Variants in LONP1 observed in about 807,000 individuals in gnomAD.
LONP1 encodes the protein lon protease homolog, mitochondrial.
LONP1 carries 31 observed loss-of-function variants against 98.5 expected under a neutral mutation model. The ratio of observed to expected loss-of-function variants is 0.31; its 90% confidence interval spans 0.24 to 0.42. The LOEUF is 0.42. Among genes scored for constraint, LONP1 ranks in the 20% least tolerant of loss-of-function variants. The pLI is 1.00. For missense variants in LONP1, 1,336 were observed against 1,350.6 expected, an observed-to-expected ratio of 0.99 and a Z score of 0.17; for synonymous variants, 781 against 594.7, an observed-to-expected ratio of 1.31 and a Z score of -4.56.
At chr19:5,707,378 T>C (rs1345503805) in intron 6 of LONP1, among the ~76,000 whole-genome samples, 1 of 152,124 alleles carries the variant, frequency 6.6e-6, no homozygotes, top group Non-Finnish European at 1.5e-5. Flanking sequence ...TCAGGAGTGC[T>C]GCTCACAACA....
chr19:5,708,544 G>A (rs917763569), intron 4 of LONP1, 141 bp from the exon 5 acceptor site: 110 of 662,970 alleles, frequency 1.7e-4, no homozygotes, highest in Non-Finnish European at 2.7e-4. Flanking sequence ...GCCACGGACG[G>A]CCTGGGAGAT....
At chr19:5,697,584 AAG>A (rs1315772663) in intron 10 of LONP1, among the ~76,000 whole-genome samples, 3 of 104,136 alleles carry the variant, frequency 2.9e-5, no homozygotes, top group African/African-American at 3.9e-5. Context: ...GGGGAGGAAG[AAG>A]AGAGGGAGAG....
chr19:5,701,007 C>A, intron 8 of LONP1, 80 bp from the exon 9 acceptor site: 2 of 1,555,376 alleles, frequency 1.3e-6, no homozygotes, highest in South Asian at 1.1e-5. Context: ...TGGGTGGTTG[C>A]AAGGGGCTTG....
At position 5,699,137 on chromosome 19, in the gene LONP1, A is replaced by G; in HGVS notation, c.1575T>C (p.Pro525=). ...GAGCAATGCTGGTCTTACCCACGCC[A>G]GGGGGGCCATAGAAGCAGAGGATCT... is the stretch of plus-strand genomic sequence containing the variant. The part of the protein sequence containing the change: ...QGKILCFYGP[P]GVGKTSIARS... Residue 525 remains proline, a synonymous_variant, in exon 10 of 18, where the codon CCT becomes CCC. Coordinates refer to ENST00000360614, the MANE Select transcript of LONP1 (RefSeq NM_004793.4). The G allele has an allele frequency of 1.3e-6, 2 of 1,564,766 alleles. No individual in the cohort carries two copies. Among genetic ancestry groups the G allele is most frequent in the Admixed American group, 1.8e-5 (1 of 55,900 alleles).
intron 8 of LONP1, among the ~76,000 whole-genome samples, chr19:5,703,589 C>G (rs1250534651): frequency 6.6e-6 from 1 of 151,762 alleles, no homozygotes; most frequent in Non-Finnish European, 1.5e-5. Flanking sequence ...GGCGGCCCCA[C>G]GAGCAGACAC....
chr19:5,696,452 TGGGGAGACCC>T, intron 11 of LONP1, 81 bp from the exon 12 acceptor site: 1 of 1,549,330 alleles, frequency 6.5e-7, no homozygotes, highest in Non-Finnish European at 8.8e-7. Context: ...GGGTCAGGGC[TGGGGAGACCC>T]CGAGTGAGAG....
intron 1 of LONP1, among the ~76,000 whole-genome samples, chr19:5,716,239 T>C (rs1002825336): frequency 7.7e-6 from 1 of 129,074 alleles, no homozygotes; most frequent in Non-Finnish European, 1.6e-5. Context: ...TTCTTTATTA[T>C]ATAATAAAGT....
intron 4 of LONP1, 128 bp from the exon 5 acceptor site, chr19:5,708,531 C>T: frequency 2.8e-6 from 2 of 721,500 alleles, no homozygotes; most frequent in Non-Finnish European, 4.7e-6. Flanking sequence ...CCAACTGGCC[C>T]TGGCCACGGA....
chr19:5,714,224 G>A lies in LONP1; in HGVS notation c.477C>T (p.Leu159=), dbSNP rs773995374. 37 of 1,613,886 alleles carry A rather than the reference G, an allele frequency of 2.3e-5. No individual in the cohort carries two copies. The Middle Eastern group carries it at 4.9e-4, about 22-fold the overall frequency. ...GAAAGACGCCGACATAAGGCTGGGC[G>A]AGACGAACTTTCCTTCTCAGCAGCT... is the stretch of plus-strand genomic sequence containing the variant. ...LVELLRRKVR[L]AQPYVGVFLK... is the part of the protein sequence containing the mutation. Residue 159 remains leucine (L), a synonymous_variant, in exon 2 of 18, where the codon CTC becomes CTT. Coordinates refer to ENST00000360614, the MANE Select transcript of LONP1 (RefSeq NM_004793.4).
At chr19:5,707,605 G>T in intron 6 of LONP1, 92 bp downstream of exon 6, 1 of 1,412,632 alleles carries the variant, frequency 7.1e-7, no homozygotes, top group Non-Finnish European at 9.8e-7. Context: ...TGGGGGAGCT[G>T]AGGAGGAACG....
rs1167504815 is a variant in LONP1, at chr19:5,705,053, T to G, written c.1367+719A>C. 3.3e-5 allele frequency among the ~76,000 whole-genome samples: 5 copies of G among 151,900 alleles called. No individual in the cohort carries two copies. In the East Asian group the frequency reaches 9.7e-4, roughly 29 times the overall value. Reference sequence around the variant, plus strand: ...GGCACATGCCTGTAATCCCAGCTACTCAGGAAGTTGAGGCAGTAGAATCGT... The same window carrying G: ...GGCACATGCCTGTAATCCCAGCTACGCAGGAAGTTGAGGCAGTAGAATCGT... On this transcript the variant is annotated intron_variant, in intron 8 of 17. Coordinates refer to ENST00000360614, the MANE Select transcript of LONP1 (RefSeq NM_004793.4).
chr19:5,708,703 T>A (rs2055188400), intron 4 of LONP1: 2 of 337,456 alleles, frequency 5.9e-6, no homozygotes, highest in African/African-American at 2.1e-5. Flanking sequence ...TGTGTTTTCT[T>A]TCCTCCATTT....
chr19:5,702,644 T>G (rs1055120336), intron 8 of LONP1, among the ~76,000 whole-genome samples: 2 of 152,222 alleles, frequency 1.3e-5, no homozygotes, highest in African/African-American at 2.4e-5. Context: ...GAAGTAGACA[T>G]GAGAGACTTT....
chr19:5,703,581 C>T (rs117630707), intron 8 of LONP1, among the ~76,000 whole-genome samples: 2,525 of 151,776 alleles, frequency 0.017, 46 homozygotes, highest in East Asian at 0.036. Flanking sequence ...AAGGGCCAGG[C>T]GGCCCCACGA....
chr19:5,712,012 G>A lies in LONP1; in HGVS notation c.639-10C>T, dbSNP rs777655178. 1.6e-5 allele frequency: 25 copies of A among 1,606,876 alleles called. No individual in the cohort carries two copies. In the East Asian group the frequency reaches 1.6e-4, roughly 10 times the overall value. On this transcript the variant is annotated splice_polypyrimidine_tract_variant and intron_variant, in intron 3 of 17. Coordinates refer to ENST00000360614, the MANE Select transcript of LONP1 (RefSeq NM_004793.4). Reference sequence around the variant, plus strand: ...TCTGCTGATATGGACTCTGACACGGGAGCAAGGCAGGTGTGAATCAGCCGC... The same window carrying A: ...TCTGCTGATATGGACTCTGACACGGAAGCAAGGCAGGTGTGAATCAGCCGC...
intron 4 of LONP1, 56 bp downstream of exon 4, chr19:5,711,715 C>A: frequency 6.8e-7 from 1 of 1,474,096 alleles, no homozygotes; most frequent in South Asian, 1.2e-5. Flanking sequence ...AGGAACGGCT[C>A]AAGGGAGCCC....
chr19:5,706,788 T>A (rs1421077246), intron 7 of LONP1, among the ~76,000 whole-genome samples: 2 of 152,176 alleles, frequency 1.3e-5, no homozygotes, highest in Non-Finnish European at 2.9e-5. Flanking sequence ...GGCAAAGGAA[T>A]TCTTCCCTTA....
At chr19:5,699,855 G>C (rs758894259) in intron 9 of LONP1, among the ~76,000 whole-genome samples, 3 of 151,990 alleles carry the variant, frequency 2.0e-5, no homozygotes, top group Non-Finnish European at 4.4e-5. Context: ...ACCATGCCCA[G>C]GCTCTGACTC....
At chr19:5,695,983 G>T in intron 13 of LONP1, 71 bp downstream of exon 13, 1 of 1,376,924 alleles carries the variant, frequency 7.3e-7, no homozygotes. Context: ...CCAGAGGCAC[G>T]GCCTCTGCAG....
Sources: gnomAD v4.1 joint callset for allele counts (sites outside exome capture counted in the v4.1 genomes callset) on GRCh38, gnomAD v4.1.1 for gene constraint, MANE v1.5 for transcripts, NCBI Gene and HGNC (gene_info 2026-07-23, HGNC 2026-07-21) for gene names.